GMDS: variants seen among roughly 807,000 people sequenced by gnomAD.
The protein encoded by GMDS is GDP-mannose 4,6-dehydratase, also known as GDP-mannose 4,6 dehydratase.
In GMDS, 20 loss-of-function variants were observed where a neutral mutation model predicts 49.9. That is an observed-to-expected ratio of 0.40 (90% CI 0.28 to 0.58). The LOEUF is 0.58. Among genes scored for constraint, GMDS ranks in the 20% least tolerant of loss-of-function variants. GMDS has a pLI of 0.42. For missense variants in GMDS, 362 were observed against 481.4 expected (o/e 0.75, Z 2.32); for synonymous variants, 177 against 178.6 (o/e 0.99, Z 0.07).
chr6:1,959,178 A>G (rs1763803923), intron 6 of GMDS, among the ~76,000 whole-genome samples: 1 of 152,182 alleles, frequency 6.6e-6, no homozygotes, highest in Non-Finnish European at 1.5e-5. Flanking sequence ...GGAGTGCTCT[A>G]TAGTTTATCA....
At chr6:1,788,515 G>C (rs1396334711) in intron 7 of GMDS, among the ~76,000 whole-genome samples, 2 of 152,144 alleles carry the variant, frequency 1.3e-5, no homozygotes, top group Non-Finnish European at 2.9e-5. Flanking sequence ...ACAAGAAAGA[G>C]GTAGTTTCTG....
chr6:2,152,195 T>C (rs779674748), intron 1 of GMDS, among the ~76,000 whole-genome samples: 15 of 152,160 alleles, frequency 9.9e-5, no homozygotes, highest in Non-Finnish European at 2.1e-4. Flanking sequence ...CTTTATTAAA[T>C]ACAAAACTAA....
chr6:1,892,132 C>T (rs1329273111), intron 7 of GMDS, among the ~76,000 whole-genome samples: 1 of 151,780 alleles, frequency 6.6e-6, no homozygotes, highest in Non-Finnish European at 1.5e-5. Flanking sequence ...GTAAGTAGCA[C>T]CTATTATTAA....
Position 1,640,515 on chromosome 6 carries a change from C to T in GMDS, c.988-15975G>A, listed in dbSNP as rs968143420. On this transcript the variant is annotated intron_variant, in intron 9 of 10. Coordinates refer to ENST00000380815, the MANE Select transcript of GMDS (RefSeq NM_001500.4). The surrounding 1 kb of genome is among the most constrained non-coding windows in gnomAD (Gnocchi z 4.0). ...GAACCTCCCTGACCTCTCTGCTGAG[C>T]GGCTCTCTGAGGCTATCCCATGCCC... Among the ~76,000 whole-genome samples the T allele has an allele frequency of 1.2e-4, 19 of 152,206 alleles. No homozygotes were observed. Among genetic ancestry groups the T allele is most frequent in the Admixed American group, 3.9e-4 (6 of 15,284 alleles).
At chr6:1,925,670 T>C (rs1761961450) in intron 7 of GMDS, among the ~76,000 whole-genome samples, 3 of 152,144 alleles carry the variant, frequency 2.0e-5, no homozygotes, top group Non-Finnish European at 4.4e-5. Context: ...ATCTGAAGGT[T>C]TACTAAAATT....
chr6:1,676,483 T>C (rs996852279), intron 9 of GMDS, among the ~76,000 whole-genome samples: 7 of 152,348 alleles, frequency 4.6e-5, no homozygotes, highest in Non-Finnish European at 1.0e-4. Flanking sequence ...AAGACAATCC[T>C]AAGCAAAAAG....
At chr6:2,204,868 T>G (rs964662201) in intron 1 of GMDS, among the ~76,000 whole-genome samples, 16 of 152,206 alleles carry the variant, frequency 1.1e-4, no homozygotes, top group Admixed American at 6.5e-4. Context: ...TTTAAGCCCA[T>G]GCTTGTGTTA....
chr6:1,669,021 T>C (rs1764330047), intron 9 of GMDS, among the ~76,000 whole-genome samples: 2 of 152,232 alleles, frequency 1.3e-5, no homozygotes, highest in Non-Finnish European at 2.9e-5. Context: ...CTAACATATG[T>C]CAGTACTGTT....
At chr6:1,775,394 C>T (rs1354948162) in intron 7 of GMDS, among the ~76,000 whole-genome samples, 1 of 152,194 alleles carries the variant, frequency 6.6e-6, no homozygotes, top group Non-Finnish European at 1.5e-5. Flanking sequence ...GTGCCTTTTC[C>T]TTTTACTCTG....
intron 4 of GMDS, among the ~76,000 whole-genome samples, chr6:2,059,060 C>T (rs985001076): frequency 6.6e-5 from 10 of 151,006 alleles, no homozygotes; most frequent in Non-Finnish European, 1.3e-4. Context: ...CCTGTAATCC[C>T]AGCTACTTGG....
At chr6:1,987,791 TAA>T (rs1765651629) in intron 4 of GMDS, among the ~76,000 whole-genome samples, 1 of 152,192 alleles carries the variant, frequency 6.6e-6, no homozygotes, top group Admixed American at 6.5e-5. Flanking sequence ...CATAGTAATT[TAA>T]GTTTGAAATT....
rs35638497 is a variant in GMDS at position 1,636,846 on chromosome 6, AG to A, written c.988-12307del. Among the ~76,000 whole-genome samples, 16 of 152,328 alleles carry A rather than the reference AG, an allele frequency of 1.1e-4. No homozygotes were observed. In the South Asian group the frequency reaches 3.3e-3, roughly 32 times the overall value. ...GAATGGGAATGGCGTGGAAGGCAGC[AG>A]GGAGGAGAGGTGAGGCCTAGGCCTG... On this transcript the variant is annotated intron_variant, in intron 9 of 10. Coordinates refer to ENST00000380815, the MANE Select transcript of GMDS (RefSeq NM_001500.4).
At chr6:2,060,961 G>A (rs1469478753) in intron 4 of GMDS, among the ~76,000 whole-genome samples, 1 of 151,846 alleles carries the variant, frequency 6.6e-6, no homozygotes, top group Non-Finnish European at 1.5e-5. Context: ...TGGAGGTTGC[G>A]GTGAGCCAAG....
intron 9 of GMDS, among the ~76,000 whole-genome samples, chr6:1,691,365 TG>T (rs1213915862): frequency 6.7e-6 from 1 of 148,586 alleles, no homozygotes; most frequent in Non-Finnish European, 1.5e-5. Context: ...GCGGGGGGTG[TG>T]GGGGAGGGAG....
chr6:2,081,980 A>G (rs987281341), intron 4 of GMDS, among the ~76,000 whole-genome samples: 1 of 152,174 alleles, frequency 6.6e-6, no homozygotes, highest in African/African-American at 2.4e-5. Flanking sequence ...GCCCAGCTCA[A>G]TCTCACCACT....
At chr6:2,063,700 C>T (rs138460650) in intron 4 of GMDS, among the ~76,000 whole-genome samples, 104 of 152,278 alleles carry the variant, frequency 6.8e-4, no homozygotes, top group African/African-American at 2.4e-3. Context: ...AGTCAAAACA[C>T]AATCTAGAGG....
intron 4 of GMDS, among the ~76,000 whole-genome samples, chr6:2,110,270 G>A (rs1038937242): frequency 6.2e-5 from 8 of 130,004 alleles, no homozygotes; most frequent in Non-Finnish European, 6.2e-5. Context: ...GCCCCAAGAG[G>A]TTCAGGCTTC....
chr6:1,627,582 CT>C (rs979894159), intron 9 of GMDS, among the ~76,000 whole-genome samples: 1 of 152,206 alleles, frequency 6.6e-6, no homozygotes, highest in African/African-American at 2.4e-5. Flanking sequence ...GTATAATCAG[CT>C]CCTAAGGACA....
At chr6:2,039,251 G>C (rs1270703409) in intron 4 of GMDS, among the ~76,000 whole-genome samples, 1 of 152,184 alleles carries the variant, frequency 6.6e-6, no homozygotes, top group African/African-American at 2.4e-5. Context: ...AATGGAGCTT[G>C]CAGGACTGGA....
Sources: allele counts gnomAD v4.1 joint callset (sites outside exome capture counted in the v4.1 genomes callset), GRCh38; gene constraint gnomAD v4.1.1; non-coding constraint Gnocchi (gnomAD v3.1); transcripts MANE v1.5; gene names NCBI Gene and HGNC (gene_info 2026-07-23, HGNC 2026-07-21).